The following KLF12 variants were observed in gnomAD, a reference collection of about 807,000 sequenced individuals.
The protein encoded by KLF12 is KLF transcription factor 12, also known as Krueppel-like factor 12.
In KLF12, 9 loss-of-function variants were observed where a neutral mutation model predicts 37.8. The ratio of observed to expected loss-of-function variants is 0.24; its 90% confidence interval spans 0.14 to 0.42. The LOEUF is 0.42. Among genes scored for constraint, KLF12 ranks in the 10% least tolerant of loss-of-function variants. The pLI, the probability that KLF12 is intolerant of heterozygous loss-of-function variation, is 1.00. For synonymous variants in KLF12, 208 were observed against 202.1 expected, an observed-to-expected ratio of 1.03 and a Z score of -0.25; for missense variants, 411 against 516.0, an observed-to-expected ratio of 0.80 and a Z score of 1.97.
intron 3 of KLF12, among the ~76,000 whole-genome samples, chr13:73,889,926 C>T (rs1017378724): frequency 5.9e-5 from 9 of 151,960 alleles, no homozygotes; most frequent in Non-Finnish European, 1.0e-4. Context: ...AAAAAAAGAA[C>T]CTTAAAGCTG....
chr13:73,980,986 C>A (rs893833902), intron 2 of KLF12, among the ~76,000 whole-genome samples: 1 of 152,066 alleles, frequency 6.6e-6, no homozygotes, highest in Non-Finnish European at 1.5e-5. Flanking sequence ...GTGGCAAAAC[C>A]TTGTCTCTAT....
the KLF12 span, among the ~76,000 whole-genome samples, chr13:74,198,494 T>G: frequency 3.6e-5 from 5 of 140,682 alleles, no homozygotes; most frequent in Non-Finnish European, 6.3e-5. Context: ...TGTTAGACCT[T>G]CCATCTACAC....
chr13:74,138,748 T>G (rs1198856602), upstream of KLF12, among the ~76,000 whole-genome samples: 1 of 152,180 alleles, frequency 6.6e-6, no homozygotes, highest in Non-Finnish European at 1.5e-5. Context: ...GAGCTCTGCA[T>G]CTAGCCCCCT....
chr13:73,688,081 G>A lies in KLF12; in HGVS notation c.*7409C>T, dbSNP rs1277130779. The A allele has an allele frequency of 6.6e-6, 1 of 152,638 alleles. No individual in the cohort carries two copies. The highest frequency in any genetic ancestry group is 1.9e-4 in the East Asian group (1 of 5,168). 9.5% of individuals were successfully genotyped at this position (152,638 alleles called of 1,614,324 possible). ...ATCTCTTTCCCCAGCCAAGTAACAG[G>A]GAGAAAGATAATAATTCAGGAGATT... On this transcript the variant is annotated 3_prime_UTR_variant, in exon 8 of 8. Transcript: ENST00000377669.
intron 1 of KLF12, among the ~76,000 whole-genome samples, chr13:74,048,753 T>A (rs1893611745): frequency 6.6e-6 from 1 of 152,128 alleles, no homozygotes; most frequent in African/African-American, 2.4e-5. Flanking sequence ...ACAGACTGAT[T>A]ATGAACCTTG....
At chr13:74,055,464 C>T (rs1314961185) in intron 1 of KLF12, among the ~76,000 whole-genome samples, 1 of 152,104 alleles carries the variant, frequency 6.6e-6, no homozygotes, top group African/African-American at 2.4e-5. Flanking sequence ...CAAGATGCAA[C>T]AGAAAGCTGC....
At chr13:73,857,139 G>A (rs995683277) in intron 3 of KLF12, among the ~76,000 whole-genome samples, 19 of 152,162 alleles carry the variant, frequency 1.2e-4, no homozygotes, top group African/African-American at 4.3e-4. Flanking sequence ...AACACCAGAA[G>A]CAGCTTTCTA....
the KLF12 span, among the ~76,000 whole-genome samples, chr13:74,188,913 C>G: frequency 6.6e-6 from 1 of 152,126 alleles, no homozygotes; most frequent in African/African-American, 2.4e-5. Context: ...ACGAGAATTG[C>G]TTGAACCTGG....
At chr13:74,288,542 A>G in the KLF12 span, among the ~76,000 whole-genome samples, 1 of 152,116 alleles carries the variant, frequency 6.6e-6, no homozygotes, top group Non-Finnish European at 1.5e-5. Flanking sequence ...CAACTTCTGC[A>G]CTCCTCTCAA....
chr13:74,291,422 G>C, the KLF12 span, among the ~76,000 whole-genome samples: 1,955 of 152,308 alleles, frequency 0.013, 44 homozygotes, highest in African/African-American at 0.044. Context: ...AGGCTCAAAA[G>C]TCTCATCATC....
chr13:74,044,921 T>C (rs1228439991), intron 1 of KLF12, among the ~76,000 whole-genome samples: 2 of 150,140 alleles, frequency 1.3e-5, no homozygotes, highest in African/African-American at 4.9e-5. Context: ...CAAAATAAAG[T>C]TGTACTGGAT....
chr13:74,065,570 G>A (rs1011283514), intron 1 of KLF12, among the ~76,000 whole-genome samples: 3 of 152,112 alleles, frequency 2.0e-5, no homozygotes, highest in African/African-American at 7.2e-5. Flanking sequence ...GAGAATATGA[G>A]TGTTTGTGTG....
At chr13:73,949,676 T>C (rs1890572453) in intron 2 of KLF12, among the ~76,000 whole-genome samples, 1 of 152,208 alleles carries the variant, frequency 6.6e-6, no homozygotes, top group Non-Finnish European at 1.5e-5. Flanking sequence ...GCATTACATT[T>C]AATTTATAAT....
Position 73,715,396 on chromosome 13 carries a change from G to A in KLF12, c.999C>T (p.His333=), listed in dbSNP as rs777300129. 1.2e-6 allele frequency: 2 copies of A among 1,613,906 alleles called. No individual in the cohort carries two copies. Among genetic ancestry groups the A allele is most frequent in the Non-Finnish European group, 1.7e-6 (2 of 1,179,956 alleles). The stretch of plus-strand genomic sequence containing the variant: ...TATGTGTCCTCCGGTGAGCCTTCAG[G>A]TGAGAACTTTTTGTGTACACTTTGT... The change falls in exon 7 of 8, where the codon CAC becomes CAT. Residue 333 remains histidine (H), a synonymous_variant. Coordinates refer to ENST00000377669, the MANE Select transcript of KLF12 (RefSeq NM_007249.5).
chr13:74,197,730 C>T, the KLF12 span, among the ~76,000 whole-genome samples: 1 of 152,170 alleles, frequency 6.6e-6, no homozygotes, highest in Admixed American at 6.6e-5. Context: ...AGTTTTAAAA[C>T]CTTTCATAGT....
chr13:73,959,813 G>A (rs1253386111), intron 2 of KLF12, among the ~76,000 whole-genome samples: 2 of 152,016 alleles, frequency 1.3e-5, no homozygotes, highest in Non-Finnish European at 2.9e-5. Flanking sequence ...TTTTAAAAGG[G>A]CAATGCATAA....
chr13:74,241,636 C>G, the KLF12 span, among the ~76,000 whole-genome samples: 5 of 152,048 alleles, frequency 3.3e-5, no homozygotes, highest in South Asian at 2.1e-4. Context: ...AGCCAGGTGC[C>G]GGATATAATC....
At chr13:74,035,592 A>G (rs1030793045) in intron 1 of KLF12, among the ~76,000 whole-genome samples, 1 of 152,224 alleles carries the variant, frequency 6.6e-6, no homozygotes, top group Non-Finnish European at 1.5e-5. Flanking sequence ...AAAAGCTGGT[A>G]CTACCCAGTT....
upstream of KLF12, among the ~76,000 whole-genome samples, chr13:74,138,633 C>A (rs767964340): frequency 3.3e-5 from 5 of 152,154 alleles, no homozygotes; most frequent in Non-Finnish European, 7.4e-5. Context: ...GTTTAAATAT[C>A]TTCATCACAT....
Sources: allele counts gnomAD v4.1 joint callset (sites outside exome capture counted in the v4.1 genomes callset), GRCh38; gene constraint gnomAD v4.1.1; transcripts MANE v1.5; gene names NCBI Gene and HGNC (gene_info 2026-07-23, HGNC 2026-07-21).